The following GATAD2A variants were observed in gnomAD, a reference collection of about 807,000 sequenced individuals.
GATAD2A encodes GATA zinc finger domain containing 2A.
Under a neutral mutation model 68.5 loss-of-function variants are expected in GATAD2A, and 12 were observed. The observed-to-expected ratio is 0.18, with a 90% CI of 0.11 to 0.28. The LOEUF (loss-of-function observed/expected upper bound fraction) is 0.28, where lower values mean the gene tolerates loss of function less well. GATAD2A is among the 10% of genes least tolerant of loss of function. The pLI, the probability that GATAD2A is intolerant of heterozygous loss-of-function variation, is 1.00. For synonymous variants in GATAD2A, 410 were observed against 375.3 expected (o/e 1.09, Z -1.07); for missense variants, 755 against 868.5 (o/e 0.87, Z 1.64).
In GATAD2A at chr19:19,438,396, C is replaced by T. The variant is rs187316636; in HGVS notation, c.-6-26944C>T. On this transcript the variant is annotated intron_variant, in intron 1 of 11. Transcript: ENST00000683918. The stretch of plus-strand genomic sequence containing the variant: ...AGCTGGGACTGCCAGGTGTGGGCCA[C>T]TGTGCCCAGCTTGAGCTCACCCCCT... Among the ~76,000 whole-genome samples the T allele has an allele frequency of 8.8e-4, 134 of 152,316 alleles. 3 individuals are homozygous for T. The highest frequency in any genetic ancestry group is 3.0e-3 in the African/African-American group (126 of 41,562).
At chr19:19,473,115 G>A (rs2058432336) in intron 2 of GATAD2A, among the ~76,000 whole-genome samples, 1 of 152,164 alleles carries the variant, frequency 6.6e-6, no homozygotes. Flanking sequence ...TGGATATCTG[G>A]CAAGTTGTCC....
intron 1 of GATAD2A, among the ~76,000 whole-genome samples, chr19:19,420,005 C>CT (rs397859927): frequency 0.12 from 8,207 of 68,642 alleles, 1,410 homozygotes; most frequent in South Asian, 0.23. Flanking sequence ...ACCATCTTGA[C>CT]TTTTTTTTTT....
chr19:19,467,964 T>C (rs1473731286), intron 2 of GATAD2A, among the ~76,000 whole-genome samples: 1 of 152,218 alleles, frequency 6.6e-6, no homozygotes, highest in Non-Finnish European at 1.5e-5. Context: ...CCAACTTGTG[T>C]GAGTGTTTTA....
rs746026581 is a variant in GATAD2A, at chr19:19,495,758, C to G, written c.629C>G (p.Ser210Cys). The G allele has an allele frequency of 6.2e-7, 1 of 1,609,920 alleles. No homozygotes were observed. The highest frequency in any genetic ancestry group is 1.3e-5 in the African/African-American group (1 of 74,800). Residue 210 changes from serine to cysteine, a missense_variant, in exon 6 of 12, where the codon TCT (serine) becomes TGT (cysteine). Physicochemically the swap from Ser to Cys is moderately radical, Grantham distance 112. Transcript: ENST00000683918. The part of the protein sequence containing the change: ...IPAGKPSLQT[S>C]SARMPGSVIP... ...GGGTCTTGGTATCGTTGGCAGACCT[C>G]TTCAGCTCGGATGCCCGGCAGTGTC...
In GATAD2A at chr19:19,495,817, G is replaced by T; in HGVS notation, c.688G>T (p.Ala230Ser). 1.2e-6 allele frequency: 2 copies of T among 1,613,638 alleles called. No homozygotes were observed. Among genetic ancestry groups the T allele is most frequent in the Non-Finnish European group, 1.7e-6 (2 of 1,179,850 alleles). The change falls in exon 6 of 12, where the codon GCG becomes TCG. Residue 230 changes from alanine to serine, a missense_variant. Ala to Ser is a moderately conservative substitution (Grantham distance 99). Transcript: ENST00000683918. ...PPPLVRGGQQ[A>S]SSKLGPQASS... is the part of the protein sequence containing the mutation. ...GCCCCTGGTCCGAGGTGGGCAGCAG[G>T]CGTCCTCGAAGCTGGGGCCACAGGC...
chr19:19,415,092 C>T (rs1176469287), intron 1 of GATAD2A, among the ~76,000 whole-genome samples: 2 of 129,396 alleles, frequency 1.5e-5, no homozygotes, highest in African/African-American at 5.7e-5. Context: ...CCCCGCCCCC[C>T]TCCCCCCAAA....
chr19:19,464,965 G>A (rs780083785), intron 1 of GATAD2A: 1 of 306,140 alleles, frequency 3.3e-6, no homozygotes, highest in Non-Finnish European at 6.3e-6. Context: ...AAATCCCAAA[G>A]GCAGGTAGTT....
At chr19:19,450,699 C>T (rs1339250271) in intron 1 of GATAD2A, among the ~76,000 whole-genome samples, 2 of 150,008 alleles carry the variant, frequency 1.3e-5, no homozygotes, top group Non-Finnish European at 3.0e-5. Context: ...CAAGTGTGGC[C>T]TCTGTACTGG....
intron 1 of GATAD2A, among the ~76,000 whole-genome samples, chr19:19,458,905 T>G (rs1245222470): frequency 1.3e-5 from 2 of 152,184 alleles, no homozygotes; most frequent in Admixed American, 6.5e-5. Flanking sequence ...CTCCAGAGCT[T>G]CTCACCCTAG....
intron 1 of GATAD2A, among the ~76,000 whole-genome samples, chr19:19,462,381 T>A (rs2057511495): frequency 6.6e-6 from 1 of 152,188 alleles, no homozygotes; most frequent in Non-Finnish European, 1.5e-5. Context: ...AGGAGCCCCC[T>A]GCACTCGGGG....
At chr19:19,494,406 A>G (rs779603653) in intron 5 of GATAD2A, 23 bp downstream of exon 5, 2 of 1,446,472 alleles carry the variant, frequency 1.4e-6, no homozygotes, top group Non-Finnish European at 9.7e-7. Flanking sequence ...TCTGCGTCTC[A>G]CTGGGTGCCC....
intron 5 of GATAD2A, among the ~76,000 whole-genome samples, chr19:19,494,875 C>T (rs2060041689): frequency 6.6e-6 from 1 of 152,254 alleles, no homozygotes; most frequent in Admixed American, 6.5e-5. Flanking sequence ...GAATGAACTG[C>T]CACGTTGGTG....
upstream of GATAD2A, chr19:19,402,147 C>T (rs2049810265): frequency 6.6e-6 from 1 of 152,142 alleles, no homozygotes; most frequent in South Asian, 2.1e-4. Flanking sequence ...CAGCCTCAAA[C>T]TCCTGGGCTT....
At chr19:19,480,063 C>T (rs780263836) in intron 2 of GATAD2A, among the ~76,000 whole-genome samples, 9 of 151,990 alleles carry the variant, frequency 5.9e-5, no homozygotes, top group Non-Finnish European at 1.3e-4. Flanking sequence ...CGCCTCGGCT[C>T]CCAAAGTGCT....
At chr19:19,502,125 T>C in intron 10 of GATAD2A, 82 bp downstream of exon 10, 1 of 1,060,112 alleles carries the variant, frequency 9.4e-7, no homozygotes, top group Non-Finnish European at 1.5e-6. Flanking sequence ...TCACGCTGCC[T>C]CTTCTGTCTG....
At position 19,502,321 on chromosome 19, in the gene GATAD2A, T is replaced by G; in HGVS notation, c.1579-10T>G. The G allele has an allele frequency of 6.3e-7, 1 of 1,597,990 alleles. No individual in the cohort carries two copies. The highest frequency in any genetic ancestry group is 1.7e-5 in the Admixed American group (1 of 59,002). ...CTGCATGAGCCGTCACCCCCCTTTC[T>G]CCACTGCAGGCCTCCAGCCAGCTGT... On this transcript the variant is annotated splice_polypyrimidine_tract_variant and intron_variant, in intron 10 of 11. Coordinates refer to ENST00000683918, the MANE Select transcript of GATAD2A (RefSeq NM_001384528.1).
intron 1 of GATAD2A, among the ~76,000 whole-genome samples, chr19:19,423,066 G>A (rs1181574129): frequency 6.6e-6 from 1 of 152,136 alleles, no homozygotes; most frequent in Non-Finnish European, 1.5e-5. Flanking sequence ...GCGTGCAGTG[G>A]CACAAAAATG....
At position 19,502,322 on chromosome 19, in the gene GATAD2A, C is replaced by G. The variant is rs774624348; in HGVS notation, c.1579-9C>G. 2 of 1,599,774 alleles carry G rather than the reference C, an allele frequency of 1.3e-6. No individual in the cohort carries two copies. Among genetic ancestry groups the G allele is most frequent in the African/African-American group, 1.3e-5 (1 of 74,660 alleles). On this transcript the variant is annotated splice_polypyrimidine_tract_variant and intron_variant, in intron 10 of 11. Coordinates refer to ENST00000683918, the MANE Select transcript of GATAD2A (RefSeq NM_001384528.1). ...TGCATGAGCCGTCACCCCCCTTTCTCCACTGCAGGCCTCCAGCCAGCTGTC... is the reference window on the plus strand; with the variant it reads ...TGCATGAGCCGTCACCCCCCTTTCTGCACTGCAGGCCTCCAGCCAGCTGTC...
At chr19:19,467,191 C>T (rs1323051877) in intron 2 of GATAD2A, among the ~76,000 whole-genome samples, 3 of 152,068 alleles carry the variant, frequency 2.0e-5, no homozygotes, top group South Asian at 2.1e-4. Flanking sequence ...CTGGCTAACA[C>T]GGTGAAACCC....
Sources: allele counts gnomAD v4.1 joint callset (sites outside exome capture counted in the v4.1 genomes callset), GRCh38; gene constraint gnomAD v4.1.1; transcripts MANE v1.5; gene names NCBI Gene and HGNC (gene_info 2026-07-23, HGNC 2026-07-21).